The following MIA2 variants were observed in gnomAD, a reference collection of about 807,000 sequenced individuals.
MIA2 encodes the protein melanoma inhibitory activity protein 2.
MIA2 carries 127 observed loss-of-function variants against 167.8 expected under a neutral mutation model. The ratio of observed to expected loss-of-function variants is 0.76; its 90% confidence interval spans 0.66 to 0.88. The LOEUF is 0.88. MIA2 is among the 40% of genes least tolerant of loss of function. The probability of loss-of-function intolerance (pLI) is 0.00; values close to 1 mark genes in which losing one functional copy is unlikely to be tolerated. For synonymous variants in MIA2, 552 were observed against 541.9 expected (o/e 1.02, Z -0.26); for missense variants, 1,690 against 1,624.7 (o/e 1.04, Z -0.69).
chr14:39,292,412 A>G (rs1331879034), intron 10 of MIA2, among the ~76,000 whole-genome samples: 3 of 152,210 alleles, frequency 2.0e-5, no homozygotes, highest in Non-Finnish European at 4.4e-5. Flanking sequence ...TTTTTAGCAT[A>G]GTATTTTCAG....
chr14:39,359,538 C>G (rs1192107245), intron 23 of MIA2, among the ~76,000 whole-genome samples: 4 of 152,190 alleles, frequency 2.6e-5, no homozygotes, highest in African/African-American at 9.7e-5. Flanking sequence ...GGCTCACACT[C>G]TGTGTGCTGC....
intron 7 of MIA2, among the ~76,000 whole-genome samples, chr14:39,277,712 ATATGTGTG>A (rs1566684037): frequency 3.7e-3 from 18 of 4,928 alleles, no homozygotes; most frequent in African/African-American, 0.023. Flanking sequence ...ATATATATAT[ATATGTGTG>A]TATATATATA....
chr14:39,345,075 CATTT>C (rs532621459), intron 25 of MIA2, among the ~76,000 whole-genome samples: 1 of 151,714 alleles, frequency 6.6e-6, no homozygotes, highest in South Asian at 2.1e-4. Context: ...TATTTATTTT[CATTT>C]ATTTATTTAT....
chr14:39,242,579 TC>T (rs1335298093), intron 3 of MIA2, among the ~76,000 whole-genome samples: 1 of 151,960 alleles, frequency 6.6e-6, no homozygotes, highest in African/African-American at 2.4e-5. Context: ...TGCCTCGGCC[TC>T]CCAAAGTGCT....
chr14:39,265,918 T>G (rs2055556288), intron 6 of MIA2: 1 of 942,092 alleles, frequency 1.1e-6, no homozygotes, highest in South Asian at 4.9e-5. Context: ...CTAAGCAATT[T>G]TGGCTACTCT....
At chr14:39,296,637 A>ATT (rs531091120) in intron 13 of MIA2, among the ~76,000 whole-genome samples, 5 of 121,528 alleles carry the variant, frequency 4.1e-5, no homozygotes, top group African/African-American at 1.5e-4. Flanking sequence ...TATTTTTATT[A>ATT]TTTTTTTTTT....
At chr14:39,353,931 A>C (rs980960149), downstream of MIA2, among the ~76,000 whole-genome samples, 3 of 152,188 alleles carry the variant, frequency 2.0e-5, no homozygotes, top group Non-Finnish European at 4.4e-5. Flanking sequence ...TCCATGGTGT[A>C]TATGTGCCAC....
chr14:39,311,571 G>A (rs959750413), intron 18 of MIA2, among the ~76,000 whole-genome samples: 5 of 147,432 alleles, frequency 3.4e-5, no homozygotes, highest in South Asian at 2.2e-4. Flanking sequence ...TCCGCCTCCC[G>A]GGTTCACGCC....
intron 6 of MIA2, among the ~76,000 whole-genome samples, chr14:39,255,025 G>C (rs1226168591): frequency 6.6e-6 from 1 of 152,184 alleles, no homozygotes; most frequent in Non-Finnish European, 1.5e-5. Flanking sequence ...AGATGGTGGT[G>C]CCATTGAGTC....
intron 27 of MIA2, 44 bp downstream of exon 27, chr14:39,347,815 C>G: frequency 9.5e-7 from 1 of 1,048,964 alleles, no homozygotes; most frequent in African/African-American, 2.4e-5. Flanking sequence ...ATTCAGAAGC[C>G]TTCTTTTTTT....
At chr14:39,269,207 A>G (rs1045876598) in intron 6 of MIA2, among the ~76,000 whole-genome samples, 2 of 151,614 alleles carry the variant, frequency 1.3e-5, no homozygotes, top group African/African-American at 4.8e-5. Context: ...ATATTCACAC[A>G]ACATAAAATT....
In MIA2 at chr14:39,297,747, G is replaced by A. The variant is rs183796737; in HGVS notation, c.2497-2117G>A. Among the ~76,000 whole-genome samples, 4 of 151,712 alleles carry A rather than the reference G, an allele frequency of 2.6e-5. No homozygotes were observed. In the East Asian group the frequency reaches 7.8e-4, roughly 29 times the overall value. Reference sequence around the variant, plus strand: ...ATAGAGAATGAATGAGAGAGAATGAGAATAAGAATGTGTATATATTTATGT... The same window carrying A: ...ATAGAGAATGAATGAGAGAGAATGAAAATAAGAATGTGTATATATTTATGT... On this transcript the variant is annotated intron_variant, in intron 13 of 28. Coordinates refer to ENST00000640607, the MANE Select transcript of MIA2 (RefSeq NM_001329214.4).
chr14:39,363,617 A>T, intron 23 of MIA2, among the ~76,000 whole-genome samples: 1 of 152,236 alleles, frequency 6.6e-6, no homozygotes, highest in Non-Finnish European at 1.5e-5. Flanking sequence ...TTAAGTCCGT[A>T]ACTATTACTG....
At chr14:39,308,034 A>G (rs2063641588) in intron 17 of MIA2, among the ~76,000 whole-genome samples, 1 of 152,210 alleles carries the variant, frequency 6.6e-6, no homozygotes, top group Non-Finnish European at 1.5e-5. Context: ...ATAGCACTGT[A>G]GAGTGGTTAG....
intron 9 of MIA2, among the ~76,000 whole-genome samples, chr14:39,288,469 A>ATTTTTT (rs1289953072): frequency 5.7e-5 from 3 of 52,708 alleles, no homozygotes; most frequent in Non-Finnish European, 8.9e-5. Flanking sequence ...ATATATATAT[A>ATTTTTT]TATATATTTT....
In MIA2 at chr14:39,247,480, C is replaced by G. The variant is rs147614234; in HGVS notation, c.906C>G (p.Pro302=). ...SELASESEHI[P]KPQSTGWFGG... is the part of the protein sequence containing the mutation. ...TAGCATCTGAGTCAGAGCACATTCCCAAACCTCAATCCACTGGTTGGTTTG... is the reference window on the plus strand; with the variant it reads ...TAGCATCTGAGTCAGAGCACATTCCGAAACCTCAATCCACTGGTTGGTTTG... Residue 302 remains proline (P), a synonymous_variant, in exon 4 of 29, where the codon CCC becomes CCG. Coordinates refer to ENST00000640607, the MANE Select transcript of MIA2 (RefSeq NM_001329214.4). 1.2e-6 allele frequency: 2 copies of G among 1,613,872 alleles called. No homozygotes were observed. Among genetic ancestry groups the G allele is most frequent in the African/African-American group, 1.3e-5 (1 of 75,026 alleles).
chr14:39,386,931 C>T, exon 24 of MIA2: 2 of 768,820 alleles, frequency 2.6e-6, no homozygotes, highest in Non-Finnish European at 2.3e-6. Flanking sequence ...CAGGTAGGGG[C>T]CTAGGAGGGC....
At chr14:39,249,643 G>A (rs1469191844) in intron 4 of MIA2, among the ~76,000 whole-genome samples, 1 of 152,106 alleles carries the variant, frequency 6.6e-6, no homozygotes, top group Non-Finnish European at 1.5e-5. Context: ...AGATCTAGAT[G>A]TCCAGGTATC....
At chr14:39,346,696 ATAAT>A (rs1243477663) in intron 26 of MIA2, among the ~76,000 whole-genome samples, 1 of 148,602 alleles carries the variant, frequency 6.7e-6, no homozygotes, top group East Asian at 1.9e-4. Flanking sequence ...TGTTATATAT[ATAAT>A]TTTAAAAATA....
Sources: gnomAD v4.1 joint callset for allele counts (sites outside exome capture counted in the v4.1 genomes callset) on GRCh38, gnomAD v4.1.1 for gene constraint, MANE v1.5 for transcripts, NCBI Gene and HGNC (gene_info 2026-07-23, HGNC 2026-07-21) for gene names.